The following ZNF71 variants were observed in gnomAD, a reference collection of about 807,000 sequenced individuals.
ZNF71 encodes zinc finger protein 71, also known as endothelial zinc finger protein induced by tumor necrosis factor alpha.
ZNF71 carries 3 observed loss-of-function variants against 6.7 expected under a neutral mutation model. That is an observed-to-expected ratio of 0.45 (90% CI 0.20 to 1.16). The LOEUF is 1.16. ZNF71 is among the 50% of genes most tolerant of loss of function. ZNF71 has a pLI of 0.25. For missense variants in ZNF71, 688 were observed against 728.6 expected (o/e 0.94, Z 0.64); for synonymous variants, 343 against 311.1 (o/e 1.10, Z -1.08).
rs73937516 is a variant in ZNF71 at position 56,609,747 on chromosome 19, C to T, written c.34-4065C>T. 4.3e-3 allele frequency among the ~76,000 whole-genome samples: 644 copies of T among 149,616 alleles called. 12 individuals are homozygous for T. Among genetic ancestry groups the T allele is most frequent in the African/African-American group, 0.014 (556 of 39,526 alleles). On this transcript the variant is annotated intron_variant, in intron 2 of 3. Coordinates refer to ENST00000599599, the MANE Select transcript of ZNF71 (RefSeq NM_001370215.1). ...CATACGATATGGATTTTGCCTGTCC[C>T]GGACGTTGCATATAAATGAGGCATA...
In ZNF71 at chr19:56,613,942, A is replaced by G. The variant is rs1292151333; in HGVS notation, c.160+4A>G. 10 of 1,069,570 alleles carry G rather than the reference A, an allele frequency of 9.3e-6. No homozygotes were observed. The highest frequency in any genetic ancestry group is 3.9e-5 in the Admixed American group (1 of 25,366). 66.3% of individuals were successfully genotyped at this position (1,069,570 alleles called of 1,614,324 possible). The stretch of plus-strand genomic sequence containing the variant: ...TACAGGAACCTGGTCTCACTGGGTA[A>G]GGGGCAGCTTCGTTGAGTTACTCAT... On this transcript the variant is annotated splice_donor_region_variant and intron_variant, in intron 3 of 3. Transcript: ENST00000599599. The surrounding 1 kb of genome is among the most constrained non-coding windows in gnomAD (Gnocchi z 4.6).
In ZNF71 at chr19:56,612,264, G is replaced by A. The variant is rs541674051; in HGVS notation, c.34-1548G>A. On this transcript the variant is annotated intron_variant, in intron 2 of 3. Transcript: ENST00000599599. The stretch of plus-strand genomic sequence containing the variant: ...TGCACGTGTATGTTTATTGCAGCAC[G>A]ATTCACAATTGCAAATATATGCAGT... Among the ~76,000 whole-genome samples, 8 of 152,220 alleles carry A rather than the reference G, an allele frequency of 5.3e-5. No individual in the cohort carries two copies. In the South Asian group the frequency reaches 8.3e-4, roughly 16 times the overall value.
chr19:56,598,370 A>T lies in ZNF71; in HGVS notation c.-53+2942A>T, dbSNP rs2148002285. Reference sequence around the variant, plus strand: ...GGAGAGGCCATCAGGGGCACATCATAAGGGCTATGTGGGCAGCAGTGAAGA... The same window carrying T: ...GGAGAGGCCATCAGGGGCACATCATTAGGGCTATGTGGGCAGCAGTGAAGA... On this transcript the variant is annotated intron_variant, in intron 1 of 3. Transcript: ENST00000599599. The surrounding 1 kb of genome is among the most constrained non-coding windows in gnomAD (Gnocchi z 4.2). Among the ~76,000 whole-genome samples, 1 of 152,188 alleles carries T rather than the reference A, an allele frequency of 6.6e-6. No homozygotes were observed. The highest frequency in any genetic ancestry group is 2.1e-4 in the South Asian group (1 of 4,824).
rs2044863171 is a variant in ZNF71, at chr19:56,622,295, C to G, written c.1188C>G (p.Ser396Arg). ...YVCGECGKAF[S>R]QSSYLIQHQR... ...GCGGCGAGTGCGGCAAGGCCTTCAG[C>G]CAGAGCTCCTACCTCATCCAGCACC... Residue 396 changes from serine (S) to arginine (R), a missense_variant, in exon 4 of 4, where the codon AGC (serine) becomes AGG (arginine). Ser to Arg is a moderately radical substitution (Grantham distance 110). Transcript: ENST00000599599. 1 of 1,609,506 alleles carries G rather than the reference C, an allele frequency of 6.2e-7. No individual in the cohort carries two copies. Among genetic ancestry groups the G allele is most frequent in the Non-Finnish European group, 8.5e-7 (1 of 1,176,192 alleles).
Position 56,624,442 on chromosome 19 carries a change from A to C in ZNF71, c.*1685A>C, listed in dbSNP as rs1448612816. The C allele has an allele frequency of 6.6e-6, 1 of 152,196 alleles. No homozygotes were observed. The highest frequency in any genetic ancestry group is 1.5e-5 in the Non-Finnish European group (1 of 68,034). The allele number at this position is 152,196 out of a possible 1,614,324, so 9.4% of individuals were successfully genotyped here. On this transcript the variant is annotated 3_prime_UTR_variant, in exon 4 of 4. Transcript: ENST00000599599. The stretch of plus-strand genomic sequence containing the variant: ...GCGAGTCTTGATCAGACATTGCTTT[A>C]GTTGCATCTGTTGTGGGAATAAATG...
Position 56,622,120 on chromosome 19 carries a change from C to G in ZNF71, c.1013C>G (p.Ala338Gly). 1 of 1,613,144 alleles carries G rather than the reference C, an allele frequency of 6.2e-7. No homozygotes were observed. The highest frequency in any genetic ancestry group is 1.1e-5 in the South Asian group (1 of 90,984). ...KPYVCPECGR[A>G]FSQNMHLTEH... ...TACGTGTGCCCCGAGTGCGGGCGAGCCTTCAGCCAGAACATGCACCTGACC... is the reference window on the plus strand; with the variant it reads ...TACGTGTGCCCCGAGTGCGGGCGAGGCTTCAGCCAGAACATGCACCTGACC... The change falls in exon 4 of 4, where the codon GCC (alanine) becomes GGC (glycine). Residue 338 changes from alanine (A) to glycine (G), a missense_variant. Coordinates refer to ENST00000599599, the MANE Select transcript of ZNF71 (RefSeq NM_001370215.1).
At chr19:56,616,308 C>T (rs1018580447) in intron 3 of ZNF71, among the ~76,000 whole-genome samples, 21 of 152,202 alleles carry the variant, frequency 1.4e-4, no homozygotes, top group African/African-American at 4.3e-4. Flanking sequence ...TTTCTCCAAT[C>T]GCCTTTGCAT....
Position 56,621,489 on chromosome 19 carries a change from T to C in ZNF71, c.382T>C (p.Leu128=). 1 of 1,614,076 alleles carries C rather than the reference T, an allele frequency of 6.2e-7. No homozygotes were observed. The highest frequency in any genetic ancestry group is 8.5e-7 in the Non-Finnish European group (1 of 1,179,976). The change falls in exon 4 of 4, where the codon TTA becomes CTA. Residue 128 remains leucine (L), a synonymous_variant. Coordinates refer to ENST00000599599, the MANE Select transcript of ZNF71 (RefSeq NM_001370215.1). ...GGGAATTCCCCAGGGGAACAAACTCTTAGGGGGCTCAGTACCCGCATGTCA... is the reference window on the plus strand; with the variant it reads ...GGGAATTCCCCAGGGGAACAAACTCCTAGGGGGCTCAGTACCCGCATGTCA... The part of the protein sequence containing the change: ...PLGIPQGNKL[L]GGSVPACHEL...
At chr19:56,606,413 G>A (rs368256962) in intron 2 of ZNF71, among the ~76,000 whole-genome samples, 6 of 151,976 alleles carry the variant, frequency 3.9e-5, no homozygotes, top group Non-Finnish European at 7.4e-5. Context: ...CTGGTAGCCC[G>A]GAAAATTATA....
intron 2 of ZNF71, among the ~76,000 whole-genome samples, chr19:56,612,709 T>C (rs192003155): frequency 6.6e-5 from 10 of 152,260 alleles, no homozygotes; most frequent in Admixed American, 6.5e-4. Flanking sequence ...TGCACTAAAA[T>C]CCCAGACTTT....
chr19:56,599,330 AT>A (rs36012106), intron 1 of ZNF71, among the ~76,000 whole-genome samples: 92,052 of 150,994 alleles, frequency 0.61, 28,786 homozygotes, highest in East Asian at 0.99. Context: ...TGGCTCACTG[AT>A]TTTTTTTTTG....
In ZNF71 at chr19:56,621,889, T is replaced by A; in HGVS notation, c.782T>A (p.Leu261His). ...AAGGCCTTCAGCCAGCGCATGAACC[T>A]CACTGTGCACCAGCGCACGCACACG... Reference protein sequence around the residue: ...CGKAFSQRMNLTVHQRTHTGE... With the variant: ...CGKAFSQRMNHTVHQRTHTGE... The change falls in exon 4 of 4, where the codon CTC (leucine) becomes CAC (histidine). Residue 261 changes from leucine (L) to histidine (H), a missense_variant. Transcript: ENST00000599599. 1 of 1,611,868 alleles carries A rather than the reference T, an allele frequency of 6.2e-7. No individual in the cohort carries two copies. Among genetic ancestry groups the A allele is most frequent in the Non-Finnish European group, 8.5e-7 (1 of 1,178,192 alleles).
rs1171578255 is a variant in ZNF71, at chr19:56,595,383, G to C, written c.-98G>C. On this transcript the variant is annotated 5_prime_UTR_variant, in exon 1 of 4. Coordinates refer to ENST00000599599, the MANE Select transcript of ZNF71 (RefSeq NM_001370215.1). The stretch of plus-strand genomic sequence containing the variant: ...CTACCTGTGCCGGGGGCCGGAACCT[G>C]GCCCCGGGGAGGGCGCGGCCTCGGG... The C allele has an allele frequency of 6.5e-6, 1 of 153,162 alleles. No homozygotes were observed. Among genetic ancestry groups the C allele is most frequent in the Non-Finnish European group, 1.5e-5 (1 of 68,754 alleles). The allele number at this position is 153,162 out of a possible 1,614,324, so 9.5% of individuals were successfully genotyped here. A position where few individuals can be genotyped will look rare whatever the true frequency, so the allele number is the denominator to read the frequency against.
chr19:56,616,429 T>A (rs1346501018), intron 3 of ZNF71, among the ~76,000 whole-genome samples: 1 of 152,186 alleles, frequency 6.6e-6, no homozygotes, highest in Non-Finnish European at 1.5e-5. Context: ...TCCTTTCAGA[T>A]CTTGCTTTTA....
At position 56,613,880 on chromosome 19, in the gene ZNF71, C is replaced by G. The variant is rs1196022315; in HGVS notation, c.102C>G (p.Ala34=). 1.8e-6 allele frequency: 2 copies of G among 1,114,086 alleles called. No homozygotes were observed. The highest frequency in any genetic ancestry group is 2.2e-6 in the Non-Finnish European group (2 of 895,264). 69.0% of individuals were successfully genotyped at this position (1,114,086 alleles called of 1,614,324 possible). The change falls in exon 3 of 4, where the codon GCC becomes GCG. Residue 34 remains alanine, a synonymous_variant. Coordinates refer to ENST00000599599, the MANE Select transcript of ZNF71 (RefSeq NM_001370215.1). This position sits in a 1 kb window ranked among gnomAD's most constrained non-coding sequence, Gnocchi z 4.6. ...TQEEWQQLEP[A]QKDLYRDVML... ...AGGAGTGGCAGCAGCTGGAGCCTGC[C>G]CAGAAGGACCTGTACAGGGATGTCA... is the stretch of plus-strand genomic sequence containing the variant.
At position 56,622,061 on chromosome 19, in the gene ZNF71, C is replaced by A. The variant is rs780467724; in HGVS notation, c.954C>A (p.Ile318=). The A allele has an allele frequency of 1.9e-6, 3 of 1,612,310 alleles. No homozygotes were observed. Among genetic ancestry groups the A allele is most frequent in the African/African-American group, 2.7e-5 (2 of 74,642 alleles). ...CCTTCAGCCAGAACATGCACCTCAT[C>A]GTGCACCAGCGCACGCACACCGGGG... The part of the protein sequence containing the change: ...GKAFSQNMHL[I]VHQRTHTGEK... Residue 318 remains isoleucine (I), a synonymous_variant, in exon 4 of 4, where the codon ATC becomes ATA. Coordinates refer to ENST00000599599, the MANE Select transcript of ZNF71 (RefSeq NM_001370215.1).
At chr19:56,609,480 A>C (rs1309778946) in intron 2 of ZNF71, among the ~76,000 whole-genome samples, 1 of 152,096 alleles carries the variant, frequency 6.6e-6, no homozygotes, top group African/African-American at 2.4e-5. Context: ...CTAGGCAACC[A>C]CACATCTACC....
intron 2 of ZNF71, among the ~76,000 whole-genome samples, chr19:56,602,167 G>A (rs1403477894): frequency 6.6e-6 from 1 of 152,154 alleles, no homozygotes. Flanking sequence ...CCATAAAAGT[G>A]TTGTTCAGTG....
chr19:56,602,713 C>T (rs1224024864), intron 2 of ZNF71, among the ~76,000 whole-genome samples: 1 of 152,144 alleles, frequency 6.6e-6, no homozygotes, highest in African/African-American at 2.4e-5. Flanking sequence ...TCTGAGTATG[C>T]TTTAAAGACT....
Sources: gnomAD v4.1 joint callset for allele counts (sites outside exome capture counted in the v4.1 genomes callset) on GRCh38, gnomAD v4.1.1 for gene constraint, Gnocchi (gnomAD v3.1) non-coding constraint, MANE v1.5 for transcripts, NCBI Gene and HGNC (gene_info 2026-07-23, HGNC 2026-07-21) for gene names.